Variants in CCDC141 observed in about 807,000 individuals in gnomAD.
CCDC141 encodes coiled-coil domain-containing protein 141.
Under a neutral mutation model 181.0 loss-of-function variants are expected in CCDC141, and 168 were observed. The ratio of observed to expected loss-of-function variants is 0.93; its 90% confidence interval spans 0.82 to 1.05. CCDC141 has a LOEUF of 1.05. Among genes scored for constraint, CCDC141 ranks in the 50% least tolerant of loss-of-function variants. CCDC141 has a pLI of 0.00. For synonymous variants in CCDC141, 666 were observed against 642.3 expected (o/e 1.04, Z -0.56); for missense variants, 1,902 against 1,788.5 (o/e 1.06, Z -1.14).
intron 6 of CCDC141, among the ~76,000 whole-genome samples, chr2:178,933,436 A>G (rs1211729389): frequency 2.0e-5 from 3 of 152,168 alleles, no homozygotes; most frequent in Non-Finnish European, 4.4e-5. Context: ...AATAAGTGTG[A>G]TGGGTGGATT....
intron 17 of CCDC141, among the ~76,000 whole-genome samples, chr2:178,861,481 C>T (rs188452557): frequency 1.6e-3 from 246 of 151,922 alleles, no homozygotes; most frequent in African/African-American, 5.4e-3. Flanking sequence ...ACTAAAAATA[C>T]GAAAATTAGC....
In CCDC141 at chr2:178,885,047, T is replaced by TC; in HGVS notation, c.1572dup (p.Lys525GlufsTer3). 1 of 1,550,386 alleles carries TC rather than the reference T, an allele frequency of 6.5e-7. No individual in the cohort carries two copies. Among genetic ancestry groups the TC allele is most frequent in the Non-Finnish European group, 8.7e-7 (1 of 1,146,794 alleles). ...ATTTCATCAGATACAAATTCATTTT[T>TC]CTCCATCATGGTTTTTGCAGCTGCT... On this transcript the variant is annotated frameshift_variant, in exon 11 of 24. Transcript: ENST00000443758. LOFTEE classifies it high-confidence loss of function.
chr2:179,025,622 G>GAT (rs1454359674), intron 2 of CCDC141, among the ~76,000 whole-genome samples: 2 of 152,140 alleles, frequency 1.3e-5, no homozygotes, highest in Non-Finnish European at 2.9e-5. Flanking sequence ...TGTGAAAATG[G>GAT]ACTAATACAG....
downstream of CCDC141, among the ~76,000 whole-genome samples, chr2:178,827,384 G>T (rs73040347): frequency 9.4e-3 from 1,425 of 152,194 alleles, 21 homozygotes; most frequent in African/African-American, 0.032. Context: ...TGCTGTTTAG[G>T]TCATGTATTT....
At chr2:178,857,454 T>C (rs1484412388) in intron 17 of CCDC141, among the ~76,000 whole-genome samples, 1 of 152,228 alleles carries the variant, frequency 6.6e-6, no homozygotes, top group African/African-American at 2.4e-5. Context: ...TTGTTGCTAA[T>C]GACGGCTATG....
intron 2 of CCDC141, among the ~76,000 whole-genome samples, chr2:179,024,028 G>A (rs532515496): frequency 6.4e-4 from 98 of 152,300 alleles, no homozygotes; most frequent in Admixed American, 5.9e-4. Context: ...AGACAGGCCC[G>A]GCTTAGGTGA....
chr2:178,984,621 A>G (rs1258955131), intron 2 of CCDC141, among the ~76,000 whole-genome samples: 1 of 150,044 alleles, frequency 6.7e-6, no homozygotes, highest in Non-Finnish European at 1.5e-5. Flanking sequence ...ATGGAGGAAG[A>G]TCTACCAAGC....
intron 8 of CCDC141, among the ~76,000 whole-genome samples, chr2:178,904,908 AC>A (rs1687888686): frequency 6.6e-6 from 1 of 152,180 alleles, no homozygotes; most frequent in South Asian, 2.1e-4. Context: ...CAAGGTCATA[AC>A]TGGAAGGAAA....
intron 3 of CCDC141, among the ~76,000 whole-genome samples, chr2:178,976,425 T>G (rs115094392): frequency 2.0e-5 from 3 of 152,186 alleles, no homozygotes; most frequent in Non-Finnish European, 2.9e-5. Context: ...ACAACAGCCA[T>G]ATGAAATCCA....
rs1685250693 is a variant in CCDC141 at position 178,853,442 on chromosome 2, A to G, written c.3243T>C (p.Tyr1081=). 2 of 1,613,644 alleles carry G rather than the reference A, an allele frequency of 1.2e-6. No individual in the cohort carries two copies. Among genetic ancestry groups the G allele is most frequent in the African/African-American group, 2.7e-5 (2 of 74,908 alleles). The part of the protein sequence containing the change: ...QEATDLAQHL[Y]GLEEGQKYIE... ...TGGATATCTTAAAAGAGATCTCACC[A>G]TATAAGTGCTGAGCAAGGTCAGTGG... Residue 1081 remains tyrosine, a splice_region_variant and synonymous_variant, in exon 20 of 24, where the codon TAT becomes TAC. Coordinates refer to ENST00000443758, the MANE Select transcript of CCDC141 (RefSeq NM_173648.4).
chr2:178,968,881 A>G (rs1037252310), intron 4 of CCDC141, among the ~76,000 whole-genome samples: 3 of 152,092 alleles, frequency 2.0e-5, no homozygotes, highest in Admixed American at 1.3e-4. Flanking sequence ...AATAGGCACA[A>G]TAAAAAATGA....
At chr2:178,994,363 G>A (rs188039178) in intron 2 of CCDC141, among the ~76,000 whole-genome samples, 109 of 152,342 alleles carry the variant, frequency 7.2e-4, no homozygotes, top group African/African-American at 2.5e-3. Flanking sequence ...AAGCTGCCAA[G>A]GTTTCAGGTT....
At chr2:178,961,653 G>GA (rs1194246091) in intron 4 of CCDC141, among the ~76,000 whole-genome samples, 170 bp from the exon 5 acceptor site, 1 of 152,186 alleles carries the variant, frequency 6.6e-6, no homozygotes, top group East Asian at 1.9e-4. Flanking sequence ...GTACTTCAGA[G>GA]AAAAAACTGG....
intron 23 of CCDC141, 155 bp downstream of exon 23, chr2:178,836,739 G>T: frequency 1.4e-6 from 1 of 738,970 alleles, no homozygotes; most frequent in Non-Finnish European, 2.2e-6. Context: ...CTACTAAAAT[G>T]AGAGGGGTCT....
At chr2:179,032,547 GTC>G (rs2043029678) in intron 2 of CCDC141, among the ~76,000 whole-genome samples, 1 of 152,156 alleles carries the variant, frequency 6.6e-6, no homozygotes. Flanking sequence ...GTGTCAGTTT[GTC>G]TTTGAATTCA....
chr2:178,905,564 C>T (rs1687927103), intron 7 of CCDC141, 63 bp from the exon 8 acceptor site: 3 of 1,373,532 alleles, frequency 2.2e-6, no homozygotes, highest in Non-Finnish European at 2.9e-6. Context: ...TCAACGTGTA[C>T]ACAAAACACT....
chr2:178,918,951 T>C, intron 6 of CCDC141, 44 bp from the exon 7 acceptor site: 3 of 1,491,108 alleles, frequency 2.0e-6, no homozygotes, highest in African/African-American at 1.4e-5. Flanking sequence ...TCCTCTGTTA[T>C]GGACCGAATG....
intron 6 of CCDC141, among the ~76,000 whole-genome samples, chr2:178,938,256 C>G (rs1575240274): frequency 6.6e-6 from 1 of 152,162 alleles, no homozygotes; most frequent in Non-Finnish European, 1.5e-5. Context: ...CCTCTTCACA[C>G]TGCCTTAGCT....
chr2:178,900,009 G>A (rs1687609402), intron 8 of CCDC141, among the ~76,000 whole-genome samples: 1 of 152,076 alleles, frequency 6.6e-6, no homozygotes, highest in Non-Finnish European at 1.5e-5. Context: ...TTTTATTCTA[G>A]ATCTACCTTC....
Sources: allele counts gnomAD v4.1 joint callset (sites outside exome capture counted in the v4.1 genomes callset), GRCh38; gene constraint gnomAD v4.1.1; transcripts MANE v1.5; gene names NCBI Gene and HGNC (gene_info 2026-07-23, HGNC 2026-07-21).